Variants in PAPPA observed in about 807,000 individuals in gnomAD.
PAPPA encodes the protein pappalysin-1.
PAPPA carries 60 observed loss-of-function variants against 164.0 expected under a neutral mutation model. The observed-to-expected ratio is 0.37, with a 90% CI of 0.30 to 0.45. The LOEUF is 0.45. PAPPA is among the 20% of genes least tolerant of loss of function. PAPPA has a pLI of 1.00. For missense variants in PAPPA, 1,782 were observed against 2,087.3 expected (o/e 0.85, Z 2.85); for synonymous variants, 875 against 814.1 (o/e 1.07, Z -1.27).
At chr9:116,202,199 C>T (rs3789284) in intron 2 of PAPPA, among the ~76,000 whole-genome samples, 5 of 152,036 alleles carry the variant, frequency 3.3e-5, no homozygotes, top group Admixed American at 1.3e-4. Context: ...TTTTATTTAA[C>T]GGATTTGTTG....
Position 116,308,788 on chromosome 9 carries a change from A to G in PAPPA, c.3147+5838A>G, listed in dbSNP as rs1384032129. On this transcript the variant is annotated intron_variant, in intron 10 of 21. Coordinates refer to ENST00000328252, the MANE Select transcript of PAPPA (RefSeq NM_002581.5). Reference sequence around the variant, plus strand: ...CTAAGATCTCCATCTTTTGGCCCCCATTCTTTCACCCATTGCCCTTTCCAG... The same window carrying G: ...CTAAGATCTCCATCTTTTGGCCCCCGTTCTTTCACCCATTGCCCTTTCCAG... Among the ~76,000 whole-genome samples, 4 of 152,212 alleles carry G rather than the reference A, an allele frequency of 2.6e-5. No individual in the cohort carries two copies. The East Asian group carries it at 7.7e-4, about 29-fold the overall frequency.
chr9:116,336,061 G>C (rs930609045), intron 13 of PAPPA, among the ~76,000 whole-genome samples: 1 of 152,178 alleles, frequency 6.6e-6, no homozygotes, highest in Non-Finnish European at 1.5e-5. Context: ...CCAAACTTCT[G>C]TGTTACCATG....
At chr9:116,375,699 C>T (rs1375623097) in intron 19 of PAPPA, among the ~76,000 whole-genome samples, 1 of 152,222 alleles carries the variant, frequency 6.6e-6, no homozygotes, top group African/African-American at 2.4e-5. Context: ...CCCTCTGTCA[C>T]AGCCTCACCA....
intron 5 of PAPPA, among the ~76,000 whole-genome samples, chr9:116,222,868 T>C (rs1015173900): frequency 6.6e-6 from 1 of 152,208 alleles, no homozygotes; most frequent in Non-Finnish European, 1.5e-5. Context: ...AAAAACAGTG[T>C]GAGAGATGAT....
At position 116,367,751 on chromosome 9, in the gene PAPPA, A is replaced by G. The variant is rs3827668; in HGVS notation, c.4602A>G (p.Val1534=). 19,283 of 1,608,592 alleles carry G rather than the reference A, an allele frequency of 0.012. 991 individuals carry two copies. In the African/African-American group the frequency reaches 0.13, roughly 11 times the overall value. ...CCCACTGGCTGAACCCCACACGGGTAGAGGTGAGTGACCAGGGACATCTAC... is the reference window on the plus strand; with the variant it reads ...CCCACTGGCTGAACCCCACACGGGTGGAGGTGAGTGACCAGGGACATCTAC... ...DIPHWLNPTR[V]ERVVCTAGLK... is the part of the protein sequence containing the mutation. The change falls in exon 19 of 22, where the codon GTA becomes GTG. Residue 1534 remains valine (V), a synonymous_variant. Coordinates refer to ENST00000328252, the MANE Select transcript of PAPPA (RefSeq NM_002581.5).
intron 2 of PAPPA, among the ~76,000 whole-genome samples, chr9:116,200,428 T>C (rs562952067): frequency 1.3e-5 from 2 of 152,298 alleles, no homozygotes; most frequent in East Asian, 1.9e-4. Flanking sequence ...CTAGGGGTTG[T>C]GTCCCCCCTC....
chr9:116,260,143 A>C (rs1453779191), intron 7 of PAPPA, among the ~76,000 whole-genome samples: 1 of 152,200 alleles, frequency 6.6e-6, no homozygotes, highest in Non-Finnish European at 1.5e-5. Flanking sequence ...AAGTGTAAAA[A>C]TGTGCATGGG....
At chr9:116,266,107 G>C (rs935982429) in intron 8 of PAPPA, 122 bp downstream of exon 8, 62 of 761,910 alleles carry the variant, frequency 8.1e-5, no homozygotes, top group Non-Finnish European at 1.1e-4. Flanking sequence ...GCTACTAGTG[G>C]TCCCCAGCAG....
chr9:116,154,603 T>G lies in PAPPA; in HGVS notation c.415+16T>G, dbSNP rs1843578427. On this transcript the variant is annotated intron_variant, in intron 1 of 21. Coordinates refer to ENST00000328252, the MANE Select transcript of PAPPA (RefSeq NM_002581.5). The surrounding 1 kb of genome is among the most constrained non-coding windows in gnomAD (Gnocchi z 5.2). ...GTGATCACAGGTAGGTGAGGGCGCC[T>G]CGGCGGGCGCTGCACCGTCCCTGCG... 1 of 1,335,224 alleles carries G rather than the reference T, an allele frequency of 7.5e-7. No individual in the cohort carries two copies. Among genetic ancestry groups the G allele is most frequent in the African/African-American group, 1.5e-5 (1 of 65,306 alleles). The allele number at this position is 1,335,224 out of a possible 1,614,324, so 82.7% of individuals were successfully genotyped here. A position where few individuals can be genotyped will look rare whatever the true frequency, so the allele number is the denominator to read the frequency against.
At position 116,362,583 on chromosome 9, in the gene PAPPA, G is replaced by T; in HGVS notation, c.4348-9G>T. 6.2e-7 allele frequency: 1 copy of T among 1,612,122 alleles called. No homozygotes were observed. Among genetic ancestry groups the T allele is most frequent in the East Asian group, 2.2e-5 (1 of 44,860 alleles). Reference sequence around the variant, plus strand: ...CTCTTGGTCCTAACTCTGTTTCTCTGTTGTTCAGGGACTTGGGAGCAATGT... The same window carrying T: ...CTCTTGGTCCTAACTCTGTTTCTCTTTTGTTCAGGGACTTGGGAGCAATGT... On this transcript the variant is annotated splice_polypyrimidine_tract_variant and intron_variant, in intron 17 of 21. Coordinates refer to ENST00000328252, the MANE Select transcript of PAPPA (RefSeq NM_002581.5).
At chr9:116,281,805 G>A (rs1442993327) in intron 9 of PAPPA, among the ~76,000 whole-genome samples, 3 of 152,266 alleles carry the variant, frequency 2.0e-5, no homozygotes, top group African/African-American at 4.8e-5. Flanking sequence ...ATCTTCCTGA[G>A]TGCTGCATCT....
intron 7 of PAPPA, among the ~76,000 whole-genome samples, chr9:116,264,530 G>C (rs1005174123): frequency 3.9e-5 from 6 of 152,192 alleles, no homozygotes; most frequent in African/African-American, 1.4e-4. Context: ...TGTGTTGAGA[G>C]TCTGAAGACA....
At chr9:116,203,823 G>A (rs571857908) in intron 2 of PAPPA, among the ~76,000 whole-genome samples, 16 of 152,244 alleles carry the variant, frequency 1.1e-4, no homozygotes, top group African/African-American at 3.9e-4. Context: ...AAGATTTAAA[G>A]GGCCAATCAT....
intron 8 of PAPPA, among the ~76,000 whole-genome samples, chr9:116,270,477 G>A (rs1023093134): frequency 3.9e-5 from 6 of 152,172 alleles, no homozygotes; most frequent in African/African-American, 1.4e-4. Context: ...ATCAGATCAA[G>A]AGGTCAAGTG....
Position 116,334,847 on chromosome 9 carries a change from G to A in PAPPA, c.3398-14G>A. On this transcript the variant is annotated splice_polypyrimidine_tract_variant and intron_variant, in intron 12 of 21. Transcript: ENST00000328252. The stretch of plus-strand genomic sequence containing the variant: ...ATGAGCCTGGCCCCTCGGCCCCTCT[G>A]TCTCCCCTGACAGGCCTCCATGTCC... 1 of 1,608,404 alleles carries A rather than the reference G, an allele frequency of 6.2e-7. No individual in the cohort carries two copies. The highest frequency in any genetic ancestry group is 8.5e-7 in the Non-Finnish European group (1 of 1,174,898).
In PAPPA at chr9:116,383,177, C is replaced by T. The variant is rs564131543; in HGVS notation, c.4776+684C>T. The stretch of plus-strand genomic sequence containing the variant: ...CATTAACCCCTCACAGAAAAGTGGC[C>T]ACCTCCATTTTTCTCCGACTGCCGC... On this transcript the variant is annotated intron_variant, in intron 21 of 21. Coordinates refer to ENST00000328252, the MANE Select transcript of PAPPA (RefSeq NM_002581.5). 6.6e-5 allele frequency among the ~76,000 whole-genome samples: 10 copies of T among 152,178 alleles called. 1 individual carries two copies. In the East Asian group the frequency reaches 1.4e-3, roughly 21 times the overall value.
chr9:116,208,885 CA>C (rs1334819269), intron 3 of PAPPA, among the ~76,000 whole-genome samples: 1 of 151,954 alleles, frequency 6.6e-6, no homozygotes, highest in African/African-American at 2.4e-5. Context: ...AAGATAGATA[CA>C]AAGATAAATA....
chr9:116,275,548 T>G lies in PAPPA; in HGVS notation c.2953+4132T>G, dbSNP rs574722298. ...GAGTAGAGAACCTGGCTTTTTCTAC[T>G]CTGCCACTCTGCCTCTCCATTTGAA... is the stretch of plus-strand genomic sequence containing the variant. On this transcript the variant is annotated intron_variant, in intron 9 of 21. Coordinates refer to ENST00000328252, the MANE Select transcript of PAPPA (RefSeq NM_002581.5). 1.1e-4 allele frequency among the ~76,000 whole-genome samples: 16 copies of G among 152,292 alleles called. No homozygotes were observed. The East Asian group carries it at 3.1e-3, about 29-fold the overall frequency.
intron 3 of PAPPA, among the ~76,000 whole-genome samples, chr9:116,210,768 T>C (rs1844296234): frequency 6.6e-6 from 1 of 152,176 alleles, no homozygotes; most frequent in African/African-American, 2.4e-5. Context: ...CATTTTAAAA[T>C]ACAGATTGTG....
Sources: allele counts gnomAD v4.1 joint callset (sites outside exome capture counted in the v4.1 genomes callset), GRCh38; gene constraint gnomAD v4.1.1; non-coding constraint Gnocchi (gnomAD v3.1); transcripts MANE v1.5; gene names NCBI Gene and HGNC (gene_info 2026-07-23, HGNC 2026-07-21).